The following SLC6A7 variants were observed in gnomAD, a reference collection of about 807,000 sequenced individuals.
SLC6A7 encodes sodium-dependent proline transporter.
SLC6A7 carries 58 observed loss-of-function variants against 73.1 expected under a neutral mutation model. The ratio of observed to expected loss-of-function variants is 0.79; its 90% CI spans 0.64 to 0.99. SLC6A7 has a LOEUF of 0.99. Ranked by LOEUF, SLC6A7 falls within the 50% of genes least tolerant of loss-of-function variation. SLC6A7 has a pLI of 0.00. For synonymous variants in SLC6A7, 338 were observed against 338.7 expected (o/e 1.00, Z 0.02); for missense variants, 783 against 831.4 (o/e 0.94, Z 0.72).
intron 5 of SLC6A7, among the ~76,000 whole-genome samples, chr5:150,200,454 C>T (rs1219457338): frequency 6.6e-6 from 1 of 152,144 alleles, no homozygotes; most frequent in African/African-American, 2.4e-5. Flanking sequence ...GATTGTGCCA[C>T]TGCACTCCAG....
At position 150,202,371 on chromosome 5, in the gene SLC6A7, ATCT is replaced by A; in HGVS notation, c.887_889del (p.Phe296del). 6.2e-7 allele frequency: 1 copy of A among 1,613,996 alleles called. No homozygotes were observed. The highest frequency in any genetic ancestry group is 8.5e-7 in the Non-Finnish European group (1 of 1,179,924). ...GGTGTGGATTGAAGCTGCTCTTCAG[ATCT>A]TCTATTCCCTGGGTGTGGGCTTCGG... is the stretch of plus-strand genomic sequence containing the variant. On this transcript the variant is annotated inframe_deletion, in exon 7 of 14. Coordinates refer to ENST00000230671, the MANE Select transcript of SLC6A7 (RefSeq NM_014228.5).
At chr5:150,207,404 T>C (rs1052427986) in intron 13 of SLC6A7, among the ~76,000 whole-genome samples, 2 of 152,150 alleles carry the variant, frequency 1.3e-5, no homozygotes, top group Non-Finnish European at 2.9e-5. Flanking sequence ...GACAAGCACC[T>C]GCCACCACGT....
rs75338036 is a variant in SLC6A7 at position 150,209,028 on chromosome 5, G to C, written c.1702-378G>C. ...GACACTCTGAGGAGGGGCCCGCCGC[G>C]TAATTATAGCAACAGCCGCCACTTC... On this transcript the variant is annotated intron_variant, in intron 13 of 13. Coordinates refer to ENST00000230671, the MANE Select transcript of SLC6A7 (RefSeq NM_014228.5). Among the ~76,000 whole-genome samples, 27 of 152,364 alleles carry C rather than the reference G, an allele frequency of 1.8e-4. No individual in the cohort carries two copies. In the East Asian group the frequency reaches 4.2e-3, roughly 24 times the overall value.
chr5:150,197,112 G>A lies in SLC6A7; in HGVS notation c.420G>A (p.Val140=), dbSNP rs760466174. The change falls in exon 4 of 14, where the codon GTG becomes GTA. Residue 140 remains valine (V), a synonymous_variant. Coordinates refer to ENST00000230671, the MANE Select transcript of SLC6A7 (RefSeq NM_014228.5). Reference sequence around the variant, plus strand: ...ACTACAACATGATCATCGCCTACGTGCTCTTCTACCTCTTCGCCTCCCTCA... The same window carrying A: ...ACTACAACATGATCATCGCCTACGTACTCTTCTACCTCTTCGCCTCCCTCA... ...AIYYNMIIAY[V]LFYLFASLTS... is the part of the protein sequence containing the mutation. 14 of 1,614,038 alleles carry A rather than the reference G, an allele frequency of 8.7e-6. No homozygotes were observed. Among genetic ancestry groups the A allele is most frequent in the East Asian group, 2.2e-5 (1 of 44,894 alleles).
intron 1 of SLC6A7, among the ~76,000 whole-genome samples, chr5:150,192,282 C>A (rs1424935392): frequency 6.6e-6 from 1 of 152,136 alleles, no homozygotes; most frequent in Admixed American, 6.6e-5. Flanking sequence ...TGAAGCTGGA[C>A]CCCAGATTCC....
chr5:150,195,129 G>A, intron 2 of SLC6A7: 1 of 507,952 alleles, frequency 2.0e-6, no homozygotes, highest in South Asian at 3.0e-5. Flanking sequence ...TCATCCCCAG[G>A]AAGGATACCC....
Position 150,210,281 on chromosome 5 carries a change from G to T in SLC6A7, c.*666G>T. On this transcript the variant is annotated 3_prime_UTR_variant, in exon 14 of 14. Coordinates refer to ENST00000230671, the MANE Select transcript of SLC6A7 (RefSeq NM_014228.5). ...GGGTGGGGAGGAGCTCTGGGCCAGA[G>T]GATGCTGAGCTGCCTGGGCAGAGAC... 1 of 156,860 alleles carries T rather than the reference G, an allele frequency of 6.4e-6. No homozygotes were observed. 9.7% of individuals were successfully genotyped at this position (156,860 alleles called of 1,614,324 possible).
chr5:150,202,588 C>T lies in SLC6A7; in HGVS notation c.972C>T (p.Phe324=). 1.2e-6 allele frequency: 2 copies of T among 1,614,196 alleles called. No individual in the cohort carries two copies. The highest frequency in any genetic ancestry group is 1.6e-4 in the Middle Eastern group (1 of 6,062). Residue 324 remains phenylalanine, a synonymous_variant, in exon 8 of 14, where the codon TTC becomes TTT. Transcript: ENST00000230671. ...TFHQNIYRDT[F]IVTLGNAITS... ...GGACTTCTTCTGGTAGAGACACTTT[C>T]ATCGTCACTCTGGGCAACGCCATCA...
At chr5:150,205,242 G>A (rs1476421297) in intron 12 of SLC6A7, among the ~76,000 whole-genome samples, 1 of 91,208 alleles carries the variant, frequency 1.1e-5, no homozygotes, top group African/African-American at 4.2e-5. Context: ...AATGGCTTGT[G>A]CAGGCCTTGG....
chr5:150,196,626 C>A, intron 2 of SLC6A7, 90 bp from the exon 3 acceptor site: 1 of 1,256,472 alleles, frequency 8.0e-7, no homozygotes, highest in South Asian at 1.4e-5. Context: ...TCTGAGGGGG[C>A]ATCTGCAGGC....
At position 150,190,200 on chromosome 5, in the gene SLC6A7, C is replaced by A. The variant is rs929577630; in HGVS notation, c.-128C>A. ...CGCAGCCGCCAGACGGCAGCGCCTG[C>A]GTCCGTGCCCGCCCCAGCCGGTGCG... is the stretch of plus-strand genomic sequence containing the variant. On this transcript the variant is annotated 5_prime_UTR_variant, in exon 1 of 14. Transcript: ENST00000230671. 2 of 717,758 alleles carry A rather than the reference C, an allele frequency of 2.8e-6. No homozygotes were observed. The highest frequency in any genetic ancestry group is 1.9e-5 in the African/African-American group (1 of 52,224). The allele number at this position is 717,758 out of a possible 1,614,324, so 44.5% of individuals were successfully genotyped here. A position where few individuals can be genotyped will look rare whatever the true frequency, so the allele number is the denominator to read the frequency against.
At chr5:150,195,058 G>A (rs1208077496) in intron 2 of SLC6A7, 147 bp downstream of exon 2, 5 of 637,176 alleles carry the variant, frequency 7.8e-6, no homozygotes, top group African/African-American at 5.4e-5. Context: ...ACTTGGGGCT[G>A]GGAGGAAGGA....
Position 150,210,030 on chromosome 5 carries a change from G to T in SLC6A7, c.*415G>T, listed in dbSNP as rs894594228. 8 of 221,564 alleles carry T rather than the reference G, an allele frequency of 3.6e-5. No homozygotes were observed. Among genetic ancestry groups the T allele is most frequent in the Admixed American group, 3.5e-4 (7 of 19,740 alleles). The allele number at this position is 221,564 out of a possible 1,614,324, so 13.7% of individuals were successfully genotyped here. On this transcript the variant is annotated 3_prime_UTR_variant, in exon 14 of 14. Transcript: ENST00000230671. ...GGGCCTACACCCCTCCCTTTTTGGG[G>T]GGAGCCTGTCCCCACACACCTTAGC...
rs986914769 is a variant in SLC6A7, at chr5:150,190,288, C to T, written c.-40C>T. 6 of 1,497,642 alleles carry T rather than the reference C, an allele frequency of 4.0e-6. No homozygotes were observed. In the African/African-American group the frequency reaches 4.4e-5, roughly 11 times the overall value. 92.8% of individuals were successfully genotyped at this position (1,497,642 alleles called of 1,614,324 possible). A position where few individuals can be genotyped will look rare whatever the true frequency, so the allele number is the denominator to read the frequency against. On this transcript the variant is annotated 5_prime_UTR_variant, in exon 1 of 14. Coordinates refer to ENST00000230671, the MANE Select transcript of SLC6A7 (RefSeq NM_014228.5). ...CCATCTCTCGTGCCCTCGCTCTCTGCGCTCCGGGGCAGCTGAGCCCCGGCC... is the reference window on the plus strand; with the variant it reads ...CCATCTCTCGTGCCCTCGCTCTCTGTGCTCCGGGGCAGCTGAGCCCCGGCC...
At position 150,203,600 on chromosome 5, in the gene SLC6A7, G is replaced by A. The variant is rs1177813307; in HGVS notation, c.1088-67G>A. On this transcript the variant is annotated intron_variant, in intron 8 of 13. Coordinates refer to ENST00000230671, the MANE Select transcript of SLC6A7 (RefSeq NM_014228.5). ...CAAATGAGTGTAAGTGGCCGTGTGTGTCTGAGTGTGCGTATGGGAGCCCAC... is the reference window on the plus strand; with the variant it reads ...CAAATGAGTGTAAGTGGCCGTGTGTATCTGAGTGTGCGTATGGGAGCCCAC... The A allele has an allele frequency of 1.5e-5, 12 of 803,964 alleles. No individual in the cohort carries two copies. In the East Asian group the frequency reaches 2.7e-4, roughly 18 times the overall value. 49.8% of individuals were successfully genotyped at this position (803,964 alleles called of 1,614,324 possible). A position where few individuals can be genotyped will look rare whatever the true frequency, so the allele number is the denominator to read the frequency against.
intron 1 of SLC6A7, among the ~76,000 whole-genome samples, chr5:150,191,879 G>A (rs1470508813): frequency 2.0e-5 from 3 of 151,876 alleles, no homozygotes; most frequent in Admixed American, 6.6e-5. Context: ...CTGGGTGCTG[G>A]GCTGGGGGGT....
intron 12 of SLC6A7, 111 bp from the exon 13 acceptor site, chr5:150,205,345 G>T: frequency 1.2e-6 from 1 of 838,250 alleles, no homozygotes; most frequent in Non-Finnish European, 1.8e-6. Flanking sequence ...ATCCTGGGTA[G>T]CTCTGGGCTG....
chr5:150,195,864 C>T (rs1196940372), intron 2 of SLC6A7, among the ~76,000 whole-genome samples: 1 of 152,180 alleles, frequency 6.6e-6, no homozygotes, highest in East Asian at 1.9e-4. Context: ...CAAGCACTCT[C>T]CCCATGTCCC....
In SLC6A7 at chr5:150,198,113, AAG is replaced by A. The variant is rs756905936; in HGVS notation, c.584+841_584+842del. Reference sequence around the variant, plus strand: ...AAAGAAAGAAAGAAAGAAAGAAAGAAAGAGAAAGAAAGAAAGAAAGAAAGAAA... The same window carrying A: ...AAAGAAAGAAAGAAAGAAAGAAAGAAAGAAAGAAAGAAAGAAAGAAAGAAA... On this transcript the variant is annotated intron_variant, in intron 4 of 13. Coordinates refer to ENST00000230671, the MANE Select transcript of SLC6A7 (RefSeq NM_014228.5). 7.3e-3 allele frequency among the ~76,000 whole-genome samples: 409 copies of A among 56,298 alleles called. 4 individuals carry two copies. The highest frequency in any genetic ancestry group is 9.1e-3 in the Middle Eastern group (1 of 110). The allele number at this position is 56,298 out of a possible 152,430, so 36.9% of individuals were successfully genotyped here.
Sources: allele counts gnomAD v4.1 joint callset (sites outside exome capture counted in the v4.1 genomes callset), GRCh38; gene constraint gnomAD v4.1.1; transcripts MANE v1.5; gene names NCBI Gene and HGNC (gene_info 2026-07-23, HGNC 2026-07-21).